The following EBF1 variants were observed in gnomAD, a reference collection of about 807,000 sequenced individuals.
EBF1 encodes the protein transcription factor COE1.
EBF1 carries 10 observed loss-of-function variants against 68.4 expected under a neutral mutation model. That is an observed-to-expected ratio of 0.15 (90% CI 0.09 to 0.25). The LOEUF (loss-of-function observed/expected upper bound fraction) is 0.25, where lower values mean the gene tolerates loss of function less well. Among genes scored for constraint, EBF1 ranks in the 10% least tolerant of loss-of-function variants. The pLI is 1.00. For synonymous variants in EBF1, 298 were observed against 299.8 expected (o/e 0.99, Z 0.06); for missense variants, 509 against 794.4 (o/e 0.64, Z 4.32).
intron 7 of EBF1, among the ~76,000 whole-genome samples, chr5:158,835,948 C>T (rs1788680216): frequency 6.6e-6 from 1 of 152,128 alleles, no homozygotes; most frequent in South Asian, 2.1e-4. Context: ...TCATCATCAT[C>T]GCTACCAATA....
At chr5:159,096,900 G>T in intron 2 of EBF1, 74 bp downstream of exon 2, 2 of 1,546,610 alleles carry the variant, frequency 1.3e-6, no homozygotes, top group Non-Finnish European at 8.7e-7. Context: ...AAGGAAGGGC[G>T]CGCTGCCCAA....
At chr5:158,988,579 A>G (rs1432946621) in intron 6 of EBF1, among the ~76,000 whole-genome samples, 1 of 152,188 alleles carries the variant, frequency 6.6e-6, no homozygotes, top group Non-Finnish European at 1.5e-5. Context: ...GACTCTGCCT[A>G]ATACACCCAC....
intron 12 of EBF1, among the ~76,000 whole-genome samples, chr5:158,713,543 A>G (rs1759943942): frequency 6.6e-6 from 1 of 152,212 alleles, no homozygotes; most frequent in African/African-American, 2.4e-5. Flanking sequence ...GGGGAGAGGA[A>G]GAGAGGCTGC....
intron 11 of EBF1, among the ~76,000 whole-genome samples, chr5:158,716,230 T>C (rs567177810): frequency 2.6e-5 from 4 of 152,290 alleles, no homozygotes; most frequent in South Asian, 4.2e-4. Context: ...TCCTTGGTGA[T>C]AGAGTTTTTC....
intron 6 of EBF1, among the ~76,000 whole-genome samples, chr5:158,926,553 G>A (rs368056485): frequency 2.2e-4 from 33 of 151,766 alleles, no homozygotes; most frequent in Middle Eastern, 3.4e-3. Context: ...GTGAAACCCC[G>A]TCTCTACTAA....
intron 6 of EBF1, among the ~76,000 whole-genome samples, chr5:158,882,847 G>C (rs922399085): frequency 6.6e-6 from 1 of 152,308 alleles, no homozygotes; most frequent in Admixed American, 6.5e-5. Flanking sequence ...ACCCCAAGAC[G>C]GTGCAGAGCC....
chr5:159,096,766 T>C (rs577966895), intron 2 of EBF1, among the ~76,000 whole-genome samples: 2 of 151,768 alleles, frequency 1.3e-5, no homozygotes, highest in East Asian at 1.9e-4. Context: ...TCTCTCTAGC[T>C]CTGGGGGCTC....
At chr5:158,700,843 T>C (rs1756597952) in intron 15 of EBF1, among the ~76,000 whole-genome samples, 1 of 152,196 alleles carries the variant, frequency 6.6e-6, no homozygotes, top group African/African-American at 2.4e-5. Flanking sequence ...TAAGCCTTTT[T>C]TTCTTAGAAA....
Position 158,992,254 on chromosome 5 carries a change from T to C in EBF1, c.554+81142A>G, listed in dbSNP as rs146926791. 7.9e-5 allele frequency among the ~76,000 whole-genome samples: 12 copies of C among 151,428 alleles called. No homozygotes were observed. The East Asian group carries it at 2.1e-3, about 27-fold the overall frequency. ...AAAAAAAAAAAGTATTCCTTTTACC[T>C]AAATGCAAGTCACTGTACTGTGCTC... On this transcript the variant is annotated intron_variant, in intron 6 of 15. Coordinates refer to ENST00000313708, the MANE Select transcript of EBF1 (RefSeq NM_024007.5).
At chr5:159,042,042 C>A (rs537301724) in intron 6 of EBF1, among the ~76,000 whole-genome samples, 1 of 152,292 alleles carries the variant, frequency 6.6e-6, no homozygotes, top group African/African-American at 2.4e-5. Flanking sequence ...AAAGCATTCC[C>A]ATTATAGCCC....
chr5:158,872,875 C>T (rs1431682648), intron 6 of EBF1, among the ~76,000 whole-genome samples: 6 of 152,102 alleles, frequency 3.9e-5, no homozygotes, highest in Non-Finnish European at 8.8e-5. Flanking sequence ...AGGCACTGTC[C>T]CTGGGTGTAG....
rs1789842294 is a variant in EBF1 at position 158,840,060 on chromosome 5, G to A, written c.605C>T (p.Ala202Val). The change falls in exon 7 of 16, where the codon GCG becomes GTG. Residue 202 changes from alanine to valine, a missense_variant. This residue lies in a region of EBF1 where 230 missense variants were observed against 467.7 expected (regional missense o/e 0.49). Coordinates refer to ENST00000313708, the MANE Select transcript of EBF1 (RefSeq NM_024007.5). Reference protein sequence around the residue: ...LKCNQNCLKNAGNPRDMRRFQ... With the variant: ...LKCNQNCLKNVGNPRDMRRFQ... ...TCTCCGCATGTCACGTGGGTTTCCC[G>A]CATTCTTTAGGCAATTTTGGTTACA... 6.2e-7 allele frequency: 1 copy of A among 1,613,954 alleles called. No individual in the cohort carries two copies. The highest frequency in any genetic ancestry group is 8.5e-7 in the Non-Finnish European group (1 of 1,179,918).
intron 9 of EBF1, among the ~76,000 whole-genome samples, 166 bp from the exon 10 acceptor site, chr5:158,777,705 C>T (rs947083451): frequency 2.6e-5 from 4 of 152,192 alleles, no homozygotes; most frequent in African/African-American, 7.2e-5. Context: ...ACAATATTTA[C>T]AAATGCTCTG....
chr5:158,775,513 T>C (rs1469637760), intron 10 of EBF1, among the ~76,000 whole-genome samples: 1 of 152,084 alleles, frequency 6.6e-6, no homozygotes, highest in Non-Finnish European at 1.5e-5. Context: ...TTGTTCTTAA[T>C]AGCTGAGTAA....
At chr5:158,929,720 C>T (rs756371155) in intron 6 of EBF1, among the ~76,000 whole-genome samples, 2 of 152,174 alleles carry the variant, frequency 1.3e-5, no homozygotes, top group Non-Finnish European at 2.9e-5. Flanking sequence ...AAAGCCCCTC[C>T]CCTTTTTAAA....
intron 6 of EBF1, among the ~76,000 whole-genome samples, chr5:158,990,596 T>C (rs915330873): frequency 6.6e-6 from 1 of 152,198 alleles, no homozygotes; most frequent in African/African-American, 2.4e-5. Context: ...CATACAGAAC[T>C]GGGCTCCAAG....
At chr5:158,795,234 C>T (rs1474395275) in intron 9 of EBF1, among the ~76,000 whole-genome samples, 3 of 152,160 alleles carry the variant, frequency 2.0e-5, no homozygotes, top group Non-Finnish European at 4.4e-5. Context: ...ACCAGTGTCA[C>T]GGGAGCACAG....
chr5:158,974,885 T>C (rs1398336655), intron 6 of EBF1, among the ~76,000 whole-genome samples: 1 of 152,196 alleles, frequency 6.6e-6, no homozygotes, highest in Non-Finnish European at 1.5e-5. Flanking sequence ...GCCCATCTTC[T>C]AACAAAGGGT....
intron 6 of EBF1, among the ~76,000 whole-genome samples, chr5:159,010,758 C>T (rs1417828067): frequency 2.0e-5 from 3 of 152,190 alleles, no homozygotes; most frequent in Non-Finnish European, 4.4e-5. Flanking sequence ...CAGGGAAACG[C>T]ATAAGGCTGG....
Sources: allele counts gnomAD v4.1 joint callset (sites outside exome capture counted in the v4.1 genomes callset), GRCh38; gene constraint gnomAD v4.1.1; regional missense constraint gnomAD v4.1.1; transcripts MANE v1.5; gene names NCBI Gene and HGNC (gene_info 2026-07-23, HGNC 2026-07-21).